Variants in GNB1 observed in about 807,000 individuals in gnomAD.
GNB1 encodes the protein guanine nucleotide-binding protein G(I)/G(S)/G(T) subunit beta-1.
GNB1 carries 2 observed loss-of-function variants against 42.9 expected under a neutral mutation model. The observed-to-expected ratio is 0.05, with a 90% CI of 0.02 to 0.15. The LOEUF is 0.15. Among genes scored for constraint, GNB1 ranks in the 10% least tolerant of loss-of-function variants. The probability of loss-of-function intolerance (pLI) is 1.00; values close to 1 mark genes in which losing one functional copy is unlikely to be tolerated. For synonymous variants in GNB1, 183 were observed against 174.7 expected (o/e 1.05, Z -0.38); for missense variants, 193 against 462.2 (o/e 0.42, Z 5.34).
intron 1 of GNB1, among the ~76,000 whole-genome samples, chr1:1,879,648 T>G (rs566320058): frequency 6.8e-6 from 1 of 146,680 alleles, no homozygotes; most frequent in Non-Finnish European, 1.5e-5. Context: ...GAGCTTGCAG[T>G]GAGCCAAGAT....
chr1:1,849,276 C>T (rs1647851769), intron 1 of GNB1, among the ~76,000 whole-genome samples: 1 of 152,150 alleles, frequency 6.6e-6, no homozygotes. Context: ...TCTTCATTTG[C>T]CTGGTCTGAT....
At chr1:1,862,370 T>C (rs1381846328) in intron 1 of GNB1, among the ~76,000 whole-genome samples, 1 of 152,134 alleles carries the variant, frequency 6.6e-6, no homozygotes, top group Non-Finnish European at 1.5e-5. Flanking sequence ...ATTACAACAG[T>C]CTGAGTGAGA....
chr1:1,810,388 T>A (rs1388846589), intron 5 of GNB1, among the ~76,000 whole-genome samples: 1 of 151,768 alleles, frequency 6.6e-6, no homozygotes, highest in Admixed American at 6.6e-5. Context: ...TTTTAAAAAT[T>A]AGCTGGGCAC....
intron 5 of GNB1, among the ~76,000 whole-genome samples, chr1:1,813,851 A>G (rs1370657154): frequency 6.6e-6 from 1 of 152,236 alleles, no homozygotes; most frequent in Non-Finnish European, 1.5e-5. Flanking sequence ...ATATTTACGG[A>G]GTACAATGTG....
Position 1,813,451 on chromosome 1 carries a change from A to G in GNB1, c.203+2305T>C, listed in dbSNP as rs12567166. ...AAATTCTTTTTAATTTTTTAAAGGA[A>G]TAACTTTGAATTCACAAAGTATATT... On this transcript the variant is annotated intron_variant, in intron 5 of 11. Coordinates refer to ENST00000378609, the MANE Select transcript of GNB1 (RefSeq NM_002074.5). Among the ~76,000 whole-genome samples the G allele has an allele frequency of 3.4e-3, 518 of 152,270 alleles. 14 individuals carry two copies. The East Asian group carries it at 0.064, about 19-fold the overall frequency.
chr1:1,886,402 A>G (rs560044510), intron 1 of GNB1, among the ~76,000 whole-genome samples: 2 of 152,332 alleles, frequency 1.3e-5, no homozygotes, highest in African/African-American at 2.4e-5. Flanking sequence ...TCAAAGTTCT[A>G]GAACAAAATG....
chr1:1,869,185 CAAAAAAAAAA>C (rs71578347), intron 1 of GNB1, among the ~76,000 whole-genome samples: 25 of 26,748 alleles, frequency 9.3e-4, no homozygotes, highest in East Asian at 5.9e-3. Flanking sequence ...GACACCTTCT[CAAAAAAAAAA>C]AAAAAAAAAA....
chr1:1,863,643 C>T (rs1436843864), intron 1 of GNB1, among the ~76,000 whole-genome samples: 2 of 152,224 alleles, frequency 1.3e-5, no homozygotes, highest in Non-Finnish European at 2.9e-5. Context: ...ACAGGACTCA[C>T]TCTTCATCCA....
intron 7 of GNB1, among the ~76,000 whole-genome samples, chr1:1,804,130 A>G (rs1326414060): frequency 6.6e-6 from 1 of 151,188 alleles, no homozygotes; most frequent in African/African-American, 2.4e-5. Flanking sequence ...TGTCTCTACT[A>G]AAAATACAAA....
intron 3 of GNB1, among the ~76,000 whole-genome samples, chr1:1,823,772 T>A (rs753377098): frequency 2.0e-5 from 3 of 152,226 alleles, no homozygotes; most frequent in Non-Finnish European, 4.4e-5. Context: ...CTCCAAATCC[T>A]GGTGGGCTTT....
intron 1 of GNB1, among the ~76,000 whole-genome samples, chr1:1,839,864 C>T (rs1342727999): frequency 2.0e-5 from 3 of 151,690 alleles, no homozygotes. Flanking sequence ...AAAACAAAAA[C>T]ACACAACAGT....
At chr1:1,882,975 G>T (rs769192989) in intron 1 of GNB1, among the ~76,000 whole-genome samples, 55 of 151,490 alleles carry the variant, frequency 3.6e-4, no homozygotes, top group Non-Finnish European at 6.5e-4. Flanking sequence ...CATAGTTCAA[G>T]ATTATTCTAC....
intron 1 of GNB1, among the ~76,000 whole-genome samples, chr1:1,884,650 G>A (rs1650045949): frequency 6.6e-6 from 1 of 152,056 alleles, no homozygotes; most frequent in African/African-American, 2.4e-5. Flanking sequence ...CAGTAAACAA[G>A]AATACATTCC....
At chr1:1,816,898 T>C (rs1646864894) in intron 4 of GNB1, among the ~76,000 whole-genome samples, 1 of 152,192 alleles carries the variant, frequency 6.6e-6, no homozygotes, top group African/African-American at 2.4e-5. Context: ...TCCACCTGCC[T>C]CGGCCTCCCA....
chr1:1,884,113 G>A (rs995950111), intron 1 of GNB1, among the ~76,000 whole-genome samples: 1 of 149,954 alleles, frequency 6.7e-6, no homozygotes, highest in South Asian at 2.1e-4. Flanking sequence ...TTACAGGCAT[G>A]TGCCACCATG....
At chr1:1,818,120 T>C in intron 3 of GNB1, 1 of 366,438 alleles carries the variant, frequency 2.7e-6, no homozygotes, top group Non-Finnish European at 5.3e-6. Context: ...AGCACAATAT[T>C]CCTGGGGACC....
chr1:1,873,751 G>A lies in GNB1; in HGVS notation c.-96+17069C>T, dbSNP rs189771406. Among the ~76,000 whole-genome samples the A allele has an allele frequency of 1.5e-3, 234 of 152,286 alleles. 1 individual carries two copies. Among genetic ancestry groups the A allele is most frequent in the Non-Finnish European group, 2.7e-3 (186 of 68,014 alleles). The stretch of plus-strand genomic sequence containing the variant: ...AAGAATTGCTTGAACCCCAGAGGCA[G>A]AGGTTACAGTGAGCCAAGATGGTGC... On this transcript the variant is annotated intron_variant, in intron 1 of 11. Transcript: ENST00000378609.
chr1:1,874,872 C>A (rs1032040263), intron 1 of GNB1, among the ~76,000 whole-genome samples: 2 of 152,072 alleles, frequency 1.3e-5, no homozygotes, highest in Non-Finnish European at 2.9e-5. Context: ...CGGTCACCAA[C>A]CTTTTTGATG....
At chr1:1,875,245 G>A (rs979559050) in intron 1 of GNB1, among the ~76,000 whole-genome samples, 8 of 151,880 alleles carry the variant, frequency 5.3e-5, no homozygotes, top group African/African-American at 1.9e-4. Context: ...AGTCTGGAGT[G>A]TAGTGGTGTG....
Sources: gnomAD v4.1 joint callset for allele counts (sites outside exome capture counted in the v4.1 genomes callset) on GRCh38, gnomAD v4.1.1 for gene constraint, MANE v1.5 for transcripts, NCBI Gene and HGNC (gene_info 2026-07-23, HGNC 2026-07-21) for gene names.